RPS6KC1: variants seen among roughly 807,000 people sequenced by gnomAD.
RPS6KC1 encodes ribosomal protein S6 kinase C1.
RPS6KC1 carries 54 observed loss-of-function variants against 103.8 expected under a neutral mutation model. The ratio of observed to expected loss-of-function variants is 0.52; its 90% confidence interval spans 0.42 to 0.65. RPS6KC1 has a LOEUF of 0.65. Ranked by LOEUF, RPS6KC1 falls within the 30% of genes least tolerant of loss-of-function variation. The pLI, the probability that RPS6KC1 is intolerant of heterozygous loss-of-function variation, is 0.00. For missense variants in RPS6KC1, 1,151 were observed against 1,253.8 expected (o/e 0.92, Z 1.24); for synonymous variants, 439 against 438.7 (o/e 1.00, Z -0.01).
intron 6 of RPS6KC1, among the ~76,000 whole-genome samples, chr1:213,154,974 A>C (rs2147994622): frequency 6.6e-6 from 1 of 152,290 alleles, no homozygotes; most frequent in African/African-American, 2.4e-5. Flanking sequence ...GCAGGTGATG[A>C]ATGCTGCCAG....
chr1:213,133,980 C>A (rs550232668), intron 6 of RPS6KC1, among the ~76,000 whole-genome samples: 1 of 151,884 alleles, frequency 6.6e-6, no homozygotes, highest in Non-Finnish European at 1.5e-5. Context: ...TCCTTCTATC[C>A]ATTTGTTTGT....
the RPS6KC1 span, among the ~76,000 whole-genome samples, chr1:213,834,351 T>C: frequency 6.0e-3 from 915 of 152,282 alleles, 8 homozygotes; most frequent in African/African-American, 0.021. Flanking sequence ...AAGCAAAGAC[T>C]GTTCACCACA....
chr1:213,298,538 T>G, the RPS6KC1 span, among the ~76,000 whole-genome samples: 1 of 152,130 alleles, frequency 6.6e-6, no homozygotes, highest in Non-Finnish European at 1.5e-5. Flanking sequence ...ATGTTTGCTG[T>G]TTTTTTGAGC....
At chr1:213,334,200 G>A in the RPS6KC1 span, among the ~76,000 whole-genome samples, 11 of 152,172 alleles carry the variant, frequency 7.2e-5, no homozygotes, top group African/African-American at 2.4e-4. Context: ...GTGTCATAAA[G>A]TACAGTCTAT....
At chr1:213,586,659 C>T in the RPS6KC1 span, among the ~76,000 whole-genome samples, 1 of 152,168 alleles carries the variant, frequency 6.6e-6, no homozygotes, top group African/African-American at 2.4e-5. Flanking sequence ...TTCTAAAGCT[C>T]CAGGCTCTTC....
intron 3 of RPS6KC1, among the ~76,000 whole-genome samples, chr1:213,098,791 GAGACAT>G (rs1473724595): frequency 6.6e-6 from 1 of 152,110 alleles, no homozygotes; most frequent in African/African-American, 2.4e-5. Context: ...ATGTGACACA[GAGACAT>G]AAAGTGAGCA....
the RPS6KC1 span, among the ~76,000 whole-genome samples, chr1:213,526,959 G>T: frequency 1.3e-5 from 2 of 152,010 alleles, no homozygotes; most frequent in African/African-American, 4.8e-5. Flanking sequence ...AGGTTTTCTG[G>T]TACTGAGCCA....
the RPS6KC1 span, among the ~76,000 whole-genome samples, chr1:213,720,778 T>C: frequency 1.3e-5 from 2 of 152,244 alleles, no homozygotes; most frequent in African/African-American, 4.8e-5. Context: ...CCCACACATC[T>C]TGTGTTTTGA....
the RPS6KC1 span, among the ~76,000 whole-genome samples, chr1:213,655,609 A>G: frequency 1.3e-5 from 2 of 152,204 alleles, no homozygotes; most frequent in African/African-American, 2.4e-5. Context: ...GAAATTCAAA[A>G]TTAGGTCATC....
At chr1:213,191,492 C>G (rs925801667) in intron 8 of RPS6KC1, among the ~76,000 whole-genome samples, 1 of 152,020 alleles carries the variant, frequency 6.6e-6, no homozygotes, top group African/African-American at 2.4e-5. Context: ...GATTTTGTAT[C>G]CTGCAATTGT....
At chr1:213,333,838 C>T in the RPS6KC1 span, among the ~76,000 whole-genome samples, 3 of 152,066 alleles carry the variant, frequency 2.0e-5, no homozygotes, top group Non-Finnish European at 2.9e-5. Flanking sequence ...CCCACCACCA[C>T]GCCTGGCTAA....
At chr1:213,325,348 G>A in the RPS6KC1 span, among the ~76,000 whole-genome samples, 2 of 152,168 alleles carry the variant, frequency 1.3e-5, no homozygotes, top group African/African-American at 4.8e-5. Flanking sequence ...CATATCCCTG[G>A]GTGGAGGGTG....
chr1:213,645,097 C>T, the RPS6KC1 span, among the ~76,000 whole-genome samples: 1 of 152,126 alleles, frequency 6.6e-6, no homozygotes, highest in African/African-American at 2.4e-5. Flanking sequence ...TAGACTCATC[C>T]TAGCAACTGC....
At chr1:213,773,725 CAGGAAGT>C in the RPS6KC1 span, among the ~76,000 whole-genome samples, 1 of 152,072 alleles carries the variant, frequency 6.6e-6, no homozygotes, top group East Asian at 1.9e-4. Context: ...TCTTCTTCTT[CAGGAAGT>C]CTTAGTCTTT....
chr1:213,320,479 C>T, the RPS6KC1 span, among the ~76,000 whole-genome samples: 1 of 152,178 alleles, frequency 6.6e-6, no homozygotes, highest in African/African-American at 2.4e-5. Flanking sequence ...AATGTCACCC[C>T]AGGTATTGGT....
At chr1:213,686,729 G>A in the RPS6KC1 span, among the ~76,000 whole-genome samples, 1 of 152,104 alleles carries the variant, frequency 6.6e-6, no homozygotes, top group East Asian at 1.9e-4. Flanking sequence ...GAAAGAATTC[G>A]GGGCAAGTTC....
chr1:213,643,118 A>G, the RPS6KC1 span, among the ~76,000 whole-genome samples: 1 of 151,914 alleles, frequency 6.6e-6, no homozygotes, highest in Non-Finnish European at 1.5e-5. Context: ...CTTCTTTGAC[A>G]ATTTTTCTTT....
At chr1:213,690,884 T>A in the RPS6KC1 span, among the ~76,000 whole-genome samples, 1 of 152,182 alleles carries the variant, frequency 6.6e-6, no homozygotes, top group Non-Finnish European at 1.5e-5. Flanking sequence ...AAGGGCTTTC[T>A]GCTTTTGTGA....
chr1:213,486,222 G>T, the RPS6KC1 span, among the ~76,000 whole-genome samples: 328 of 152,286 alleles, frequency 2.2e-3, 1 homozygote, highest in African/African-American at 7.4e-3. Context: ...TTTACTGTTT[G>T]TAGGAAGTCT....
Sources: gnomAD v4.1 joint callset for allele counts (sites outside exome capture counted in the v4.1 genomes callset) on GRCh38, gnomAD v4.1.1 for gene constraint, MANE v1.5 for transcripts, NCBI Gene and HGNC (gene_info 2026-07-23, HGNC 2026-07-21) for gene names.